Variants in AGO2 observed in about 807,000 individuals in gnomAD.
AGO2 encodes the protein protein argonaute-2.
Under a neutral mutation model 102.3 loss-of-function variants are expected in AGO2, and 5 were observed. That is an observed-to-expected ratio of 0.05 (90% CI 0.03 to 0.10). AGO2 has a LOEUF of 0.10. Among genes scored for constraint, AGO2 ranks in the 10% least tolerant of loss-of-function variants. AGO2 has a pLI of 1.00. For synonymous variants in AGO2, 449 were observed against 473.1 expected, an observed-to-expected ratio of 0.95 and a Z score of 0.66; for missense variants, 541 against 1,183.7, an observed-to-expected ratio of 0.46 and a Z score of 7.97.
In AGO2 at chr8:140,569,920, C is replaced by T. The variant is rs148070899; in HGVS notation, c.336+2892G>A. Among the ~76,000 whole-genome samples, 590 of 152,274 alleles carry T rather than the reference C, an allele frequency of 3.9e-3. 9 individuals carry two copies. Among genetic ancestry groups the T allele is most frequent in the African/African-American group, 0.013 (556 of 41,536 alleles). On this transcript the variant is annotated intron_variant, in intron 3 of 18. Coordinates refer to ENST00000220592, the MANE Select transcript of AGO2 (RefSeq NM_012154.5). ...TGGACCAGAGCCGCCAGAGTCCCCA[C>T]GAGCCTCCAGGGTAATGGAGCATCA...
intron 1 of AGO2, among the ~76,000 whole-genome samples, chr8:140,624,186 G>A (rs895746386): frequency 3.9e-5 from 6 of 152,160 alleles, no homozygotes; most frequent in African/African-American, 1.4e-4. Context: ...CCCCCACCCA[G>A]CAGGTCTCGA....
chr8:140,596,816 C>T (rs1467411558), intron 1 of AGO2, among the ~76,000 whole-genome samples: 1 of 152,176 alleles, frequency 6.6e-6, no homozygotes, highest in Admixed American at 6.5e-5. Context: ...AGGCAAGTGG[C>T]CGGGGTGGGG....
intron 1 of AGO2, among the ~76,000 whole-genome samples, chr8:140,626,070 C>T (rs2074272927): frequency 6.6e-6 from 1 of 152,154 alleles, no homozygotes; most frequent in Admixed American, 6.5e-5. Context: ...AAGCCATGGG[C>T]AGCACGTGGC....
In AGO2 at chr8:140,524,277, G is replaced by A. The variant is rs531292343; in HGVS notation, c.*7767C>T. ...TTCCATTACAATAAATATTCTTCTC[G>A]AGTGACTATGAGAACAAGACCACCA... On this transcript the variant is annotated 3_prime_UTR_variant, in exon 19 of 19. Transcript: ENST00000220592. The A allele has an allele frequency of 3.3e-5, 5 of 152,176 alleles. No homozygotes were observed. The highest frequency in any genetic ancestry group is 4.2e-4 in the South Asian group (2 of 4,816). The allele number at this position is 152,176 out of a possible 1,614,324, so 9.4% of individuals were successfully genotyped here. A position where few individuals can be genotyped will look rare whatever the true frequency, so the allele number is the denominator to read the frequency against.
chr8:140,562,332 C>G, intron 4 of AGO2, 121 bp downstream of exon 4: 1 of 1,225,558 alleles, frequency 8.2e-7, no homozygotes, highest in South Asian at 1.6e-5. Flanking sequence ...AGAAAACCCA[C>G]GTGACCACTC....
rs1257531598 is a variant in AGO2 at position 140,589,190 on chromosome 8, G to C, written c.23-3879C>G. 6.6e-6 allele frequency among the ~76,000 whole-genome samples: 1 copy of C among 152,224 alleles called. No individual in the cohort carries two copies. Among genetic ancestry groups the C allele is most frequent in the African/African-American group, 2.4e-5 (1 of 41,456 alleles). Reference sequence around the variant, plus strand: ...CCTGCCCTGAGGGCCATCTAAGTAAGGGACAGGGATGGGGGAAAGTTGGTG... The same window carrying C: ...CCTGCCCTGAGGGCCATCTAAGTAACGGACAGGGATGGGGGAAAGTTGGTG... On this transcript the variant is annotated intron_variant, in intron 1 of 18. Coordinates refer to ENST00000220592, the MANE Select transcript of AGO2 (RefSeq NM_012154.5). The surrounding 1 kb of genome is among the most constrained non-coding windows in gnomAD (Gnocchi z 4.2).
rs961659280 is a variant in AGO2 at position 140,529,781 on chromosome 8, G to A, written c.*2263C>T. On this transcript the variant is annotated 3_prime_UTR_variant, in exon 19 of 19. Coordinates refer to ENST00000220592, the MANE Select transcript of AGO2 (RefSeq NM_012154.5). ...CCCTGAAGTACCGCACGCAGGAGGT[G>A]GCAGCAGGCCCACAAATCTGCATGT... 1.3e-5 allele frequency: 2 copies of A among 152,162 alleles called. No individual in the cohort carries two copies. Among genetic ancestry groups the A allele is most frequent in the Admixed American group, 1.3e-4 (2 of 15,268 alleles). The allele number at this position is 152,162 out of a possible 1,614,324, so 9.4% of individuals were successfully genotyped here. A position where few individuals can be genotyped will look rare whatever the true frequency, so the allele number is the denominator to read the frequency against.
At chr8:140,624,850 G>T (rs1003943124) in intron 1 of AGO2, among the ~76,000 whole-genome samples, 2 of 152,202 alleles carry the variant, frequency 1.3e-5, no homozygotes, top group African/African-American at 4.8e-5. Flanking sequence ...AACGGGAAAC[G>T]GGACGAGGCT....
intron 1 of AGO2, among the ~76,000 whole-genome samples, chr8:140,596,209 A>T (rs541782404): frequency 1.2e-3 from 177 of 152,000 alleles, no homozygotes; most frequent in Admixed American, 2.6e-3. Context: ...AATTATTTTT[A>T]AAAAATGAAC....
At position 140,585,235 on chromosome 8, in the gene AGO2, G is replaced by T. The variant is rs747445776; in HGVS notation, c.99C>A (p.Thr33=). Residue 33 remains threonine, a synonymous_variant, in exon 2 of 19, where the codon ACC becomes ACA. Transcript: ENST00000220592. ...CCTGTAATTTGATTGTTCTCCCGGA[G>T]GTCCCAAAGTCGGGTCTAGGTGGAG... ...FKPPPRPDFG[T]SGRTIKLQAN... The T allele has an allele frequency of 1.2e-6, 2 of 1,614,200 alleles. No individual in the cohort carries two copies. Among genetic ancestry groups the T allele is most frequent in the Non-Finnish European group, 1.7e-6 (2 of 1,180,030 alleles).
In AGO2 at chr8:140,567,544, G is replaced by A. The variant is rs1205719172; in HGVS notation, c.337-4910C>T. On this transcript the variant is annotated intron_variant, in intron 3 of 18. Coordinates refer to ENST00000220592, the MANE Select transcript of AGO2 (RefSeq NM_012154.5). The surrounding 1 kb of genome is among the most constrained non-coding windows in gnomAD (Gnocchi z 5.0). ...CACAAGGGGACAAGCAGGTGGCCCC[G>A]CCCACCTCACAGGGCACTGGTGCCA... Among the ~76,000 whole-genome samples the A allele has an allele frequency of 4.6e-5, 7 of 152,200 alleles. No homozygotes were observed. The highest frequency in any genetic ancestry group is 8.8e-5 in the Non-Finnish European group (6 of 68,030).
intron 1 of AGO2, among the ~76,000 whole-genome samples, chr8:140,627,340 A>G (rs2074291452): frequency 6.6e-6 from 1 of 152,238 alleles, no homozygotes; most frequent in African/African-American, 2.4e-5. Context: ...ATTTTACTCA[A>G]TAAGGCAAAC....
chr8:140,630,514 C>A (rs191503620), intron 1 of AGO2, among the ~76,000 whole-genome samples: 7 of 152,356 alleles, frequency 4.6e-5, no homozygotes, highest in Admixed American at 3.9e-4. Context: ...CAAGTGCAGG[C>A]CCCTGACCGC....
chr8:140,577,131 C>T (rs978664922), intron 2 of AGO2, among the ~76,000 whole-genome samples: 1 of 146,658 alleles, frequency 6.8e-6, no homozygotes, highest in African/African-American at 2.6e-5. Context: ...TGGCGTGAAC[C>T]CGGGAGGCGG....
rs2072773721 is a variant in AGO2 at position 140,540,281 on chromosome 8, C to CGCCTCCTGATCAAG, written c.2035-841_2035-828dup. 6.6e-6 allele frequency among the ~76,000 whole-genome samples: 1 copy of CGCCTCCTGATCAAG among 152,182 alleles called. No homozygotes were observed. Among genetic ancestry groups the CGCCTCCTGATCAAG allele is most frequent in the Non-Finnish European group, 1.5e-5 (1 of 68,024 alleles). ...GGGGAGGCTGGGCTGCGTGCCATCC[C>CGCCTCCTGATCAAG]GCCTCCTGATCAAGGCCGGGGAGTT... On this transcript the variant is annotated intron_variant, in intron 15 of 18. Transcript: ENST00000220592. The surrounding 1 kb of genome is among the most constrained non-coding windows in gnomAD (Gnocchi z 5.0).
Position 140,635,561 on chromosome 8 carries a change from G to A in AGO2, c.-55C>T. 4.1e-6 allele frequency: 4 copies of A among 974,682 alleles called. No individual in the cohort carries two copies. Among genetic ancestry groups the A allele is most frequent in the Non-Finnish European group, 4.9e-6 (4 of 823,286 alleles). The allele number at this position is 974,682 out of a possible 1,614,324, so 60.4% of individuals were successfully genotyped here. On this transcript the variant is annotated 5_prime_UTR_variant, in exon 1 of 19. Coordinates refer to ENST00000220592, the MANE Select transcript of AGO2 (RefSeq NM_012154.5). Reference sequence around the variant, plus strand: ...AGGGGCGGCCGCGCGCGCGCCACGGGCCCCGACGCCGCGAGCCGCGAGGGA... The same window carrying A: ...AGGGGCGGCCGCGCGCGCGCCACGGACCCCGACGCCGCGAGCCGCGAGGGA...
chr8:140,635,062 C>T (rs925716733), intron 1 of AGO2, among the ~76,000 whole-genome samples: 4 of 149,012 alleles, frequency 2.7e-5, no homozygotes, highest in Non-Finnish European at 4.5e-5. Context: ...GCTGCGGCGC[C>T]CCCATCCCCG....
chr8:140,561,792 G>A (rs976526604), intron 4 of AGO2, among the ~76,000 whole-genome samples: 1 of 152,188 alleles, frequency 6.6e-6, no homozygotes, highest in African/African-American at 2.4e-5. Context: ...TTTTGGTTTC[G>A]GCTTTGGTTC....
intron 11 of AGO2, among the ~76,000 whole-genome samples, chr8:140,549,689 C>T (rs143987786): frequency 2.0e-5 from 3 of 152,270 alleles, no homozygotes; most frequent in African/African-American, 4.8e-5. Flanking sequence ...GCTCTCCCCA[C>T]GTGCAGGCCA....
Sources: gnomAD v4.1 joint callset for allele counts (sites outside exome capture counted in the v4.1 genomes callset) on GRCh38, gnomAD v4.1.1 for gene constraint, Gnocchi (gnomAD v3.1) non-coding constraint, MANE v1.5 for transcripts, NCBI Gene and HGNC (gene_info 2026-07-23, HGNC 2026-07-21) for gene names.